The following RALGAPB variants were observed in gnomAD, a reference collection of about 807,000 sequenced individuals.
RALGAPB encodes the protein Ral GTPase activating protein non-catalytic subunit beta, also known as ral GTPase-activating protein subunit beta.
In RALGAPB, 25 loss-of-function variants were observed where a neutral mutation model predicts 161.1. The ratio of observed to expected loss-of-function variants is 0.16; its 90% CI spans 0.11 to 0.22. RALGAPB has a LOEUF of 0.22. Ranked by LOEUF, RALGAPB falls within the 10% of genes least tolerant of loss-of-function variation. The pLI is 1.00. For synonymous variants in RALGAPB, 629 were observed against 626.1 expected (o/e 1.00, Z -0.07); for missense variants, 1,391 against 1,815.2 (o/e 0.77, Z 4.25).
At chr20:38,554,602 G>A (rs537930924) in intron 22 of RALGAPB, among the ~76,000 whole-genome samples, 4 of 152,156 alleles carry the variant, frequency 2.6e-5, no homozygotes, top group Non-Finnish European at 5.9e-5. Flanking sequence ...TCTTTGGTGA[G>A]TTTCTCATCT....
At chr20:38,505,046 A>T (rs2085718011) in intron 5 of RALGAPB, among the ~76,000 whole-genome samples, 2 of 152,338 alleles carry the variant, frequency 1.3e-5, no homozygotes, top group South Asian at 4.1e-4. Context: ...TTAAAATACG[A>T]CTACCATTCA....
At chr20:38,543,114 G>GT (rs1254217208) in intron 18 of RALGAPB, among the ~76,000 whole-genome samples, 30 of 152,138 alleles carry the variant, frequency 2.0e-4, no homozygotes, top group African/African-American at 6.5e-4. Context: ...TGGCTCATCT[G>GT]TTTCGCTTCA....
Position 38,517,520 on chromosome 20 carries a change from C to G in RALGAPB, c.1066C>G (p.Arg356Gly). ...VDAFLGISRP[R>G]SDSAPPTPVN... ...TTTTTTTTAAGGTATTTCTAGACCCCGATCAGACAGTGCTCCCCCAACACC... is the reference window on the plus strand; with the variant it reads ...TTTTTTTTAAGGTATTTCTAGACCCGGATCAGACAGTGCTCCCCCAACACC... The change falls in exon 8 of 30, where the codon CGA (arginine) becomes GGA (glycine). Residue 356 changes from arginine to glycine, a missense_variant. Coordinates refer to ENST00000262879, the MANE Select transcript of RALGAPB (RefSeq NM_020336.4). 6.3e-7 allele frequency: 1 copy of G among 1,577,078 alleles called. No homozygotes were observed. The highest frequency in any genetic ancestry group is 8.6e-7 in the Non-Finnish European group (1 of 1,166,440).
chr20:38,517,471 A>G, intron 7 of RALGAPB, 35 bp from the exon 8 acceptor site: 1 of 1,526,434 alleles, frequency 6.6e-7, no homozygotes, highest in Non-Finnish European at 8.8e-7. Flanking sequence ...TGACCTATGA[A>G]GAATAATTTC....
chr20:38,496,554 T>G (rs1315999857), intron 3 of RALGAPB, among the ~76,000 whole-genome samples: 1 of 152,178 alleles, frequency 6.6e-6, no homozygotes, highest in Non-Finnish European at 1.5e-5. Context: ...TTCTCAGTGG[T>G]CTACTTTGGA....
intron 1 of RALGAPB, among the ~76,000 whole-genome samples, chr20:38,475,649 C>G (rs2084781361): frequency 6.8e-6 from 1 of 147,204 alleles, no homozygotes; most frequent in African/African-American, 2.5e-5. Flanking sequence ...CAGTCTCGCT[C>G]TGTCCCCCAG....
chr20:38,485,490 C>T (rs780071004), intron 1 of RALGAPB, among the ~76,000 whole-genome samples: 19 of 151,948 alleles, frequency 1.3e-4, no homozygotes, highest in Non-Finnish European at 2.4e-4. Flanking sequence ...TGCAGTGGTG[C>T]GATCTCAGCT....
chr20:38,479,958 G>A lies in RALGAPB; in HGVS notation c.-31+6889G>A, dbSNP rs530004007. On this transcript the variant is annotated intron_variant, in intron 1 of 29. Transcript: ENST00000262879. ...GGAAATTTAGTTCCCGATGTGTCAT[G>A]CCTGTGGTAAGGTTAAACTTTCTTC... Among the ~76,000 whole-genome samples, 250 of 152,052 alleles carry A rather than the reference G, an allele frequency of 1.6e-3. 1 individual carries two copies. The highest frequency in any genetic ancestry group is 5.8e-3 in the African/African-American group (241 of 41,450).
intron 22 of RALGAPB, among the ~76,000 whole-genome samples, chr20:38,556,472 A>G (rs1486072891): frequency 2.0e-5 from 3 of 152,156 alleles, no homozygotes; most frequent in African/African-American, 7.2e-5. Context: ...AATCAATAAA[A>G]TATTTAAAAT....
intron 5 of RALGAPB, among the ~76,000 whole-genome samples, chr20:38,500,690 CA>C (rs1233051580): frequency 2.0e-5 from 3 of 152,174 alleles, no homozygotes; most frequent in Non-Finnish European, 4.4e-5. Flanking sequence ...AAAGCCAAAA[CA>C]GGCTGAAAGC....
rs1158465262 is a variant in RALGAPB at position 38,515,257 on chromosome 20, TC to T, written c.873-933del. On this transcript the variant is annotated intron_variant, in intron 6 of 29. Coordinates refer to ENST00000262879, the MANE Select transcript of RALGAPB (RefSeq NM_020336.4). Reference sequence around the variant, plus strand: ...TCTTACATGCACACACGTTCTCCTTTCCGCAATTACAGTTACTTGAAATTAA... The same window carrying T: ...TCTTACATGCACACACGTTCTCCTTTCGCAATTACAGTTACTTGAAATTAA... Among the ~76,000 whole-genome samples the T allele has an allele frequency of 3.9e-5, 6 of 152,350 alleles. No homozygotes were observed. In the East Asian group the frequency reaches 1.2e-3, roughly 29 times the overall value.
At chr20:38,497,539 A>G (rs765872316) in intron 4 of RALGAPB, 23 bp downstream of exon 4, 18 of 1,581,792 alleles carry the variant, frequency 1.1e-5, no homozygotes, top group Middle Eastern at 1.7e-4. Flanking sequence ...TTTTTTTTCT[A>G]ATTTATTTCT....
Position 38,516,932 on chromosome 20 carries a change from T to C in RALGAPB, c.1051+562T>C, listed in dbSNP as rs118032198. 8.7e-4 allele frequency among the ~76,000 whole-genome samples: 132 copies of C among 152,372 alleles called. 1 individual carries two copies. In the East Asian group the frequency reaches 0.02, roughly 23 times the overall value. On this transcript the variant is annotated intron_variant, in intron 7 of 29. Coordinates refer to ENST00000262879, the MANE Select transcript of RALGAPB (RefSeq NM_020336.4). ...TTTCTAAAATATTTATGTATACTTA[T>C]TAATGTACAGTTAATATGTTAGCTC...
At chr20:38,559,460 C>T (rs556167639) in intron 23 of RALGAPB, among the ~76,000 whole-genome samples, 10 of 152,216 alleles carry the variant, frequency 6.6e-5, no homozygotes, top group East Asian at 5.8e-4. Flanking sequence ...TTTGGGAGGC[C>T]GAGGCGGATG....
chr20:38,483,590 A>G (rs1195565141), intron 1 of RALGAPB, among the ~76,000 whole-genome samples: 1 of 152,194 alleles, frequency 6.6e-6, no homozygotes, highest in Non-Finnish European at 1.5e-5. Flanking sequence ...CAAAACGTTC[A>G]TGCTATCCTT....
At chr20:38,524,245 G>A (rs2086386837) in intron 10 of RALGAPB, among the ~76,000 whole-genome samples, 1 of 152,182 alleles carries the variant, frequency 6.6e-6, no homozygotes, top group Admixed American at 6.5e-5. Context: ...ATCGAATGCA[G>A]GTTTCTTTCT....
chr20:38,573,944 CT>C, intron 28 of RALGAPB: 1 of 389,652 alleles, frequency 2.6e-6, no homozygotes. Context: ...AGTAATGGAC[CT>C]TTAGGACCAG....
chr20:38,556,594 CA>C (rs1334454876), intron 22 of RALGAPB, among the ~76,000 whole-genome samples: 4 of 151,994 alleles, frequency 2.6e-5, no homozygotes, highest in Non-Finnish European at 5.9e-5. Context: ...GTGATATTGA[CA>C]AAAGTTACCT....
chr20:38,473,624 C>T (rs541637983), intron 1 of RALGAPB, among the ~76,000 whole-genome samples: 2 of 152,302 alleles, frequency 1.3e-5, no homozygotes, highest in East Asian at 1.9e-4. Context: ...GCAACTGAGT[C>T]CCTGGGTGGT....
Sources: gnomAD v4.1 joint callset for allele counts (sites outside exome capture counted in the v4.1 genomes callset) on GRCh38, gnomAD v4.1.1 for gene constraint, MANE v1.5 for transcripts, NCBI Gene and HGNC (gene_info 2026-07-23, HGNC 2026-07-21) for gene names.